ABTB2: variants seen among roughly 807,000 people sequenced by gnomAD.
ABTB2 encodes ankyrin repeat and BTB domain containing 2, also known as ankyrin repeat and BTB/POZ domain-containing protein 2.
Under a neutral mutation model 104.1 loss-of-function variants are expected in ABTB2, and 56 were observed. The observed-to-expected ratio is 0.54, with a 90% CI of 0.43 to 0.67. The LOEUF (loss-of-function observed/expected upper bound fraction) is 0.67, where lower values mean the gene tolerates loss of function less well. Ranked by LOEUF, ABTB2 falls within the 30% of genes least tolerant of loss-of-function variation. The pLI, the probability that ABTB2 is intolerant of heterozygous loss-of-function variation, is 0.00. For missense variants in ABTB2, 1,279 were observed against 1,407.7 expected, an observed-to-expected ratio of 0.91 and a Z score of 1.46; for synonymous variants, 606 against 608.2, an observed-to-expected ratio of 1.00 and a Z score of 0.05.
At chr11:34,338,223 G>C (rs1855216637) in intron 1 of ABTB2, among the ~76,000 whole-genome samples, 1 of 151,540 alleles carries the variant, frequency 6.6e-6, no homozygotes, top group South Asian at 2.1e-4. Context: ...TCCATGAAAA[G>C]TACAGAAATT....
rs114367279 is a variant in ABTB2, at chr11:34,305,302, G to A, written c.883+51399C>T. On this transcript the variant is annotated intron_variant, in intron 1 of 16. Coordinates refer to ENST00000435224, the MANE Select transcript of ABTB2 (RefSeq NM_145804.3). Reference sequence around the variant, plus strand: ...TTAGTTTCCTAAGTGTGTAAACAGCGATGGTTTTACAGGACAGGCTTGCTC... The same window carrying A: ...TTAGTTTCCTAAGTGTGTAAACAGCAATGGTTTTACAGGACAGGCTTGCTC... Among the ~76,000 whole-genome samples the A allele has an allele frequency of 8.8e-3, 1,342 of 152,310 alleles. 33 individuals are homozygous for A. Among genetic ancestry groups the A allele is most frequent in the African/African-American group, 0.031 (1,290 of 41,560 alleles).
chr11:34,260,008 C>T (rs1458090054), intron 1 of ABTB2, among the ~76,000 whole-genome samples: 2 of 152,044 alleles, frequency 1.3e-5, no homozygotes, highest in African/African-American at 2.4e-5. Context: ...GGGGTTTTGC[C>T]ATGTTGCTCA....
At chr11:34,322,272 G>A (rs1855013581) in intron 1 of ABTB2, among the ~76,000 whole-genome samples, 1 of 152,184 alleles carries the variant, frequency 6.6e-6, no homozygotes, top group Non-Finnish European at 1.5e-5. Flanking sequence ...TTTGAGGCAA[G>A]CAGGAAAATT....
At chr11:34,169,770 A>C (rs2955933) in intron 5 of ABTB2, among the ~76,000 whole-genome samples, 11,558 of 150,264 alleles carry the variant, frequency 0.077, 572 homozygotes, top group South Asian at 0.14. Context: ...TGACTGCCCC[A>C]CCCCACACTC....
intron 1 of ABTB2, among the ~76,000 whole-genome samples, chr11:34,290,226 C>A (rs972341355): frequency 1.3e-5 from 2 of 152,190 alleles, no homozygotes; most frequent in Non-Finnish European, 2.9e-5. Flanking sequence ...ACATTTGTAT[C>A]AAAGTAGCTA....
At chr11:34,233,546 G>A (rs927937553) in intron 1 of ABTB2, among the ~76,000 whole-genome samples, 5 of 151,986 alleles carry the variant, frequency 3.3e-5, no homozygotes, top group African/African-American at 9.7e-5. Flanking sequence ...TAGAGACAAG[G>A]TCTCACCATG....
In ABTB2 at chr11:34,197,319, C is replaced by G. The variant is rs757483633; in HGVS notation, c.1244+6G>C. The stretch of plus-strand genomic sequence containing the variant: ...ACCAGGTGCTCAGCCCAAGGAAGAT[C>G]CCTACCGTTCATTGTTCAAGGTCAT... On this transcript the variant is annotated splice_donor_region_variant and intron_variant, in intron 3 of 16. Transcript: ENST00000435224. 5 of 1,614,010 alleles carry G rather than the reference C, an allele frequency of 3.1e-6. No homozygotes were observed. The highest frequency in any genetic ancestry group is 4.2e-6 in the Non-Finnish European group (5 of 1,179,916).
At chr11:34,268,897 C>G (rs1272732129) in intron 1 of ABTB2, among the ~76,000 whole-genome samples, 1 of 152,176 alleles carries the variant, frequency 6.6e-6, no homozygotes, top group Non-Finnish European at 1.5e-5. Context: ...GGGGACCCAC[C>G]CTACCCAGTG....
In ABTB2 at chr11:34,289,581, C is replaced by T. The variant is rs938351881; in HGVS notation, c.883+67120G>A. 3.3e-5 allele frequency among the ~76,000 whole-genome samples: 5 copies of T among 152,234 alleles called. 1 individual carries two copies. The South Asian group carries it at 6.2e-4, about 19-fold the overall frequency. ...ATTTACCCATGCCTGACTCCAGGAC[C>T]GTAAGGAGGAAACTAATGGCATTTC... is the stretch of plus-strand genomic sequence containing the variant. On this transcript the variant is annotated intron_variant, in intron 1 of 16. Transcript: ENST00000435224.
chr11:34,249,000 C>T (rs1010887669), intron 1 of ABTB2, among the ~76,000 whole-genome samples: 5 of 152,152 alleles, frequency 3.3e-5, no homozygotes, highest in African/African-American at 7.2e-5. Context: ...CGTGGTGGCA[C>T]ATGCTGTAAT....
rs1490428342 is a variant in ABTB2 at position 34,357,434 on chromosome 11, G to A, written c.150C>T (p.Arg50=). The A allele has an allele frequency of 5.2e-6, 8 of 1,548,820 alleles. No homozygotes were observed. Among genetic ancestry groups the A allele is most frequent in the Non-Finnish European group, 7.0e-6 (8 of 1,146,758 alleles). ...QALNSSAQQH[R]GAAWWCYSGS... ...CGGAGTAGCACCACCAGGCCGCCCCGCGGTGCTGCTGCGCCGAAGAGTTGA... is the reference window on the plus strand; with the variant it reads ...CGGAGTAGCACCACCAGGCCGCCCCACGGTGCTGCTGCGCCGAAGAGTTGA... The change falls in exon 1 of 17, where the codon CGC becomes CGT. Residue 50 remains arginine, a synonymous_variant. Transcript: ENST00000435224.
intron 1 of ABTB2, among the ~76,000 whole-genome samples, chr11:34,288,717 C>A (rs944222198): frequency 1.4e-5 from 2 of 147,726 alleles, no homozygotes; most frequent in Non-Finnish European, 3.0e-5. Flanking sequence ...AGGTCACTCT[C>A]CTGCAGGCTA....
intron 1 of ABTB2, among the ~76,000 whole-genome samples, chr11:34,243,086 C>G (rs1853939426): frequency 6.6e-6 from 1 of 152,078 alleles, no homozygotes; most frequent in Non-Finnish European, 1.5e-5. Flanking sequence ...GAAATGCCTG[C>G]CAGTGGAACT....
intron 14 of ABTB2, among the ~76,000 whole-genome samples, chr11:34,156,513 T>C (rs989590457): frequency 7.3e-5 from 11 of 151,254 alleles, no homozygotes; most frequent in Non-Finnish European, 1.5e-4. Flanking sequence ...CTGGGCTATA[T>C]GCTCAGTAAC....
intron 1 of ABTB2, among the ~76,000 whole-genome samples, chr11:34,354,965 CCA>C (rs1339229982): frequency 1.3e-5 from 2 of 152,172 alleles, no homozygotes; most frequent in African/African-American, 4.8e-5. Context: ...GCTGCTGTTC[CCA>C]GTGTTGATGC....
intron 1 of ABTB2, among the ~76,000 whole-genome samples, chr11:34,301,882 C>T (rs1243181751): frequency 6.6e-6 from 1 of 152,120 alleles, no homozygotes; most frequent in Non-Finnish European, 1.5e-5. Flanking sequence ...AGCTACTTTC[C>T]AGCCTAAAGC....
At position 34,246,601 on chromosome 11, in the gene ABTB2, C is replaced by CAAAAAA. The variant is rs60681759; in HGVS notation, c.884-41917_884-41912dup. Among the ~76,000 whole-genome samples the CAAAAAA allele has an allele frequency of 2.0e-4, 7 of 34,776 alleles. 1 individual carries two copies. The highest frequency in any genetic ancestry group is 3.7e-4 in the African/African-American group (3 of 8,046). The allele number at this position is 34,776 out of a possible 152,430, so 22.8% of individuals were successfully genotyped here. On this transcript the variant is annotated intron_variant, in intron 1 of 16. Coordinates refer to ENST00000435224, the MANE Select transcript of ABTB2 (RefSeq NM_145804.3). The stretch of plus-strand genomic sequence containing the variant: ...GGGCAATAAGAGTGAAACTCCATCT[C>CAAAAAA]AAAAAAAAAAAAAAAAAAAAAAAAA...
Position 34,162,558 on chromosome 11 carries a change from A to G in ABTB2, c.2218+18T>C, listed in dbSNP as rs769094310. 5.0e-6 allele frequency: 8 copies of G among 1,610,790 alleles called. No individual in the cohort carries two copies. The highest frequency in any genetic ancestry group is 1.3e-5 in the African/African-American group (1 of 74,988). The stretch of plus-strand genomic sequence containing the variant: ...TATGCATGCATGGACATGGGTGTGC[A>G]TGCCCGTGAGGCCTCACCCAGTGCC... On this transcript the variant is annotated intron_variant, in intron 10 of 16. Transcript: ENST00000435224.
intron 5 of ABTB2, 79 bp downstream of exon 5, chr11:34,170,827 A>G: frequency 6.5e-7 from 1 of 1,546,522 alleles, no homozygotes; most frequent in Non-Finnish European, 8.8e-7. Flanking sequence ...GGGTTAGGAC[A>G]GAGGGCCGCC....
Sources: allele counts gnomAD v4.1 joint callset (sites outside exome capture counted in the v4.1 genomes callset), GRCh38; gene constraint gnomAD v4.1.1; transcripts MANE v1.5; gene names NCBI Gene and HGNC (gene_info 2026-07-23, HGNC 2026-07-21).